CCDC15: variants seen among roughly 807,000 people sequenced by gnomAD.
The protein encoded by CCDC15 is coiled-coil domain containing 15.
Under a neutral mutation model 114.5 loss-of-function variants are expected in CCDC15, and 105 were observed. The observed-to-expected ratio is 0.92, with a 90% CI of 0.78 to 1.08. CCDC15 has a LOEUF of 1.08. CCDC15 is among the 50% of genes least tolerant of loss of function. The probability of loss-of-function intolerance (pLI) is 0.00; values close to 1 mark genes in which losing one functional copy is unlikely to be tolerated. For missense variants in CCDC15, 1,105 were observed against 1,093.6 expected, an observed-to-expected ratio of 1.01 and a Z score of -0.15; for synonymous variants, 334 against 377.8, an observed-to-expected ratio of 0.88 and a Z score of 1.34.
chr11:124,994,739 G>T (rs890508533), intron 11 of CCDC15, among the ~76,000 whole-genome samples: 1 of 152,148 alleles, frequency 6.6e-6, no homozygotes, highest in African/African-American at 2.4e-5. Context: ...ATTGAGTTAA[G>T]ATCTGTAGTT....
intron 13 of CCDC15, among the ~76,000 whole-genome samples, chr11:125,034,041 T>A (rs74634162): frequency 2.0e-4 from 30 of 150,994 alleles, no homozygotes; most frequent in Admixed American, 3.3e-4. Flanking sequence ...CAAACAGAGG[T>A]GTTGGGGATA....
rs1230724594 is a variant in CCDC15 at position 124,987,817 on chromosome 11, G to C, written c.1591G>C (p.Asp531His). 1.2e-6 allele frequency: 2 copies of C among 1,603,982 alleles called. No individual in the cohort carries two copies. The highest frequency in any genetic ancestry group is 1.7e-6 in the Non-Finnish European group (2 of 1,173,352). ...QNILPKYQGQ[D>H]FLPKDQDFLS... The stretch of plus-strand genomic sequence containing the variant: ...TATTCTACCTAAATATCAAGGCCAG[G>C]ATTTTCTACCTAAAGACCAGGACTT... Residue 531 changes from aspartate to histidine, a missense_variant, in exon 8 of 16, where the codon GAT becomes CAT. By Grantham distance (81) the Asp-to-His change is moderately conservative. Coordinates refer to ENST00000344762, the MANE Select transcript of CCDC15 (RefSeq NM_025004.3).
chr11:125,022,487 T>C (rs933400059), intron 13 of CCDC15, among the ~76,000 whole-genome samples: 31 of 152,074 alleles, frequency 2.0e-4, no homozygotes, highest in African/African-American at 6.7e-4. Flanking sequence ...TTAAAGTGGC[T>C]TTGTCACTTT....
At chr11:124,968,640 G>A (rs375778782) in intron 4 of CCDC15, among the ~76,000 whole-genome samples, 1 of 152,132 alleles carries the variant, frequency 6.6e-6, no homozygotes, top group South Asian at 2.1e-4. Flanking sequence ...ACCCTGCTTC[G>A]GTTCACCCTC....
intron 12 of CCDC15, among the ~76,000 whole-genome samples, chr11:125,004,574 A>G (rs568125929): frequency 6.6e-6 from 1 of 152,030 alleles, no homozygotes; most frequent in Non-Finnish European, 1.5e-5. Context: ...TTAAAAGAGT[A>G]TATATAAATC....
At position 124,987,810 on chromosome 11, in the gene CCDC15, A is replaced by C. The variant is rs1265298839; in HGVS notation, c.1584A>C (p.Gln528His). ...ACCAGAATATTCTACCTAAATATCA[A>C]GGCCAGGATTTTCTACCTAAAGACC... ...PKDQNILPKY[Q>H]GQDFLPKDQD... is the part of the protein sequence containing the mutation. The change falls in exon 8 of 16, where the codon CAA becomes CAC. Residue 528 changes from glutamine to histidine, a missense_variant. Physicochemically the swap from Gln to His is conservative, Grantham distance 24. Coordinates refer to ENST00000344762, the MANE Select transcript of CCDC15 (RefSeq NM_025004.3). 3.1e-6 allele frequency: 5 copies of C among 1,604,294 alleles called. No individual in the cohort carries two copies. The highest frequency in any genetic ancestry group is 4.3e-6 in the Non-Finnish European group (5 of 1,173,318).
intron 6 of CCDC15, 42 bp from the exon 7 acceptor site, chr11:124,986,700 T>TGTGTGTGTGTGCGTGTGTGTGTGC (rs878887902): frequency 7.7e-7 from 1 of 1,298,020 alleles, no homozygotes; most frequent in Non-Finnish European, 1.0e-6. Flanking sequence ...TTTGTGTGTG[T>TGTGTGTGTGTGCGTGTGTGTGTGC]GCGCGCGCGC....
At position 124,987,444 on chromosome 11, in the gene CCDC15, GT is replaced by G; in HGVS notation, c.1220del (p.Leu407Ter). The G allele has an allele frequency of 6.2e-7, 1 of 1,613,958 alleles. No homozygotes were observed. Among genetic ancestry groups the G allele is most frequent in the African/African-American group, 1.3e-5 (1 of 75,040 alleles). ...SIELEEGSIV[L>X]KTQDFLPTNQ... Reference sequence around the variant, plus strand: ...TTGAGCTAGAAGAAGGGAGTATTGTGTTGAAAACCCAGGATTTTCTACCCAC... The same window carrying G: ...TTGAGCTAGAAGAAGGGAGTATTGTGTGAAAACCCAGGATTTTCTACCCAC... On this transcript the variant is annotated frameshift_variant, in exon 8 of 16. Transcript: ENST00000344762. LOFTEE classifies it high-confidence loss of function.
chr11:124,986,895 C>A lies in CCDC15; in HGVS notation c.900+7C>A. 1 of 1,532,750 alleles carries A rather than the reference C, an allele frequency of 6.5e-7. No homozygotes were observed. Among genetic ancestry groups the A allele is most frequent in the Non-Finnish European group, 8.8e-7 (1 of 1,141,066 alleles). 94.9% of individuals were successfully genotyped at this position (1,532,750 alleles called of 1,614,324 possible). On this transcript the variant is annotated splice_region_variant and intron_variant, in intron 7 of 15. Coordinates refer to ENST00000344762, the MANE Select transcript of CCDC15 (RefSeq NM_025004.3). ...ACCTTTCAGCAGAGTTCAGGTAAAG[C>A]AATAAGAGAAATTAAATTAATTGTG...
intron 2 of CCDC15, among the ~76,000 whole-genome samples, 164 bp downstream of exon 2, chr11:124,955,073 A>G (rs1947525568): frequency 6.6e-6 from 1 of 152,242 alleles, no homozygotes; most frequent in Non-Finnish European, 1.5e-5. Context: ...AGTATTTGCC[A>G]AAACTTGACT....
intron 6 of CCDC15, among the ~76,000 whole-genome samples, chr11:124,978,012 C>T (rs1040524455): frequency 6.6e-6 from 1 of 152,106 alleles, no homozygotes; most frequent in African/African-American, 2.4e-5. Context: ...TTTCACCCTC[C>T]ACCCTCAAGT....
chr11:124,992,513 A>G (rs1467696714), intron 9 of CCDC15, 67 bp from the exon 10 acceptor site: 1 of 868,586 alleles, frequency 1.2e-6, no homozygotes, highest in Non-Finnish European at 1.8e-6. Context: ...GAAGCTTATG[A>G]TATTATGATT....
intron 14 of CCDC15, 32 bp downstream of exon 14, chr11:125,038,636 C>T (rs775482535): frequency 5.2e-5 from 78 of 1,485,792 alleles, no homozygotes; most frequent in Non-Finnish European, 6.4e-5. Flanking sequence ...GATATTTTGG[C>T]TCTAGAAGAG....
chr11:125,031,525 G>A (rs113981031), intron 13 of CCDC15, among the ~76,000 whole-genome samples: 5 of 152,296 alleles, frequency 3.3e-5, no homozygotes, highest in African/African-American at 1.2e-4. Flanking sequence ...TTCATGATAG[G>A]CAGTTCAGGT....
chr11:124,983,233 C>T (rs1279770376), intron 6 of CCDC15, among the ~76,000 whole-genome samples: 2 of 152,134 alleles, frequency 1.3e-5, no homozygotes, highest in East Asian at 3.9e-4. Context: ...TTTTAACTTT[C>T]TCCTGAATGT....
chr11:125,016,730 A>G (rs1336812569), intron 13 of CCDC15, among the ~76,000 whole-genome samples: 6 of 152,326 alleles, frequency 3.9e-5, no homozygotes, highest in South Asian at 2.1e-4. Flanking sequence ...TGAAGGCAAC[A>G]TACCCCTGCT....
Position 124,959,930 on chromosome 11 carries a change from C to CGGGA in CCDC15, c.443_444insGGGA (p.Ser149GlyfsTer12), listed in dbSNP as rs1565352601. 2 of 1,586,466 alleles carry CGGGA rather than the reference C, an allele frequency of 1.3e-6. No individual in the cohort carries two copies. The highest frequency in any genetic ancestry group is 2.3e-5 in the South Asian group (2 of 87,100). On this transcript the variant is annotated frameshift_variant, in exon 4 of 16. Transcript: ENST00000344762. LOFTEE classifies it high-confidence loss of function. ...GCTATTGGAAGTTCTAGGTTACCTC[C>CGGGA]TTCCCTGATGCCTGGGGATGGAATA... is the stretch of plus-strand genomic sequence containing the variant.
rs532099656 is a variant in CCDC15 at position 124,991,985 on chromosome 11, GAAT to G, written c.2031+404_2031+406del. The stretch of plus-strand genomic sequence containing the variant: ...AGGCGTAAGCCACTGTCCCCGGCCA[GAAT>G]ACAGTATTTTTTATTCCTTCCCACA... On this transcript the variant is annotated intron_variant, in intron 9 of 15. Transcript: ENST00000344762. 3.8e-3 allele frequency among the ~76,000 whole-genome samples: 577 copies of G among 152,288 alleles called. 1 individual carries two copies. Among genetic ancestry groups the G allele is most frequent in the Middle Eastern group, 6.8e-3 (2 of 294 alleles).
At chr11:124,970,437 T>C (rs1384698466) in intron 4 of CCDC15, among the ~76,000 whole-genome samples, 2 of 152,228 alleles carry the variant, frequency 1.3e-5, no homozygotes, top group Non-Finnish European at 2.9e-5. Flanking sequence ...TTTTAATGTA[T>C]GGTATTTTCT....
Sources: allele counts gnomAD v4.1 joint callset (sites outside exome capture counted in the v4.1 genomes callset), GRCh38; gene constraint gnomAD v4.1.1; transcripts MANE v1.5; gene names NCBI Gene and HGNC (gene_info 2026-07-23, HGNC 2026-07-21).